ZNF610: variants seen among roughly 807,000 people sequenced by gnomAD.
ZNF610 encodes the protein zinc finger protein 610.
ZNF610 carries 14 observed loss-of-function variants against 14.1 expected under a neutral mutation model. The observed-to-expected ratio is 0.99, with a 90% CI of 0.65 to 1.55. The LOEUF is 1.55. Ranked by LOEUF, ZNF610 falls within the 40% of genes most tolerant of loss-of-function variation. The pLI is 0.00. For missense variants in ZNF610, 530 were observed against 558.0 expected, an observed-to-expected ratio of 0.95 and a Z score of 0.51; for synonymous variants, 185 against 187.6, an observed-to-expected ratio of 0.99 and a Z score of 0.11.
At chr19:52,342,561 C>T (rs1196569252) in intron 1 of ZNF610, among the ~76,000 whole-genome samples, 2 of 150,544 alleles carry the variant, frequency 1.3e-5, no homozygotes, top group East Asian at 3.9e-4. Flanking sequence ...ACTCTGTCAC[C>T]CGGGCTGGAG....
At chr19:52,336,239 T>C (rs993029450), upstream of ZNF610, 4 of 252,334 alleles carry the variant, frequency 1.6e-5, no homozygotes, top group Non-Finnish European at 3.1e-5. Context: ...GCGCGCAGTT[T>C]TTTGCAGACC....
Position 52,366,098 on chromosome 19 carries a change from C to A in ZNF610, c.720C>A (p.Val240=). 6.2e-7 allele frequency: 1 copy of A among 1,614,120 alleles called. No individual in the cohort carries two copies. The highest frequency in any genetic ancestry group is 8.5e-7 in the Non-Finnish European group (1 of 1,180,018). Residue 240 remains valine (V), a synonymous_variant, in exon 6 of 6, where the codon GTC becomes GTA. Coordinates refer to ENST00000403906, the MANE Select transcript of ZNF610 (RefSeq NM_001161425.2). ...KPYKCTECGK[V]FSRNSHLVEH... ...ACAAATGTACTGAATGTGGCAAGGTCTTCAGTCGCAATTCACACCTTGTAG... is the reference window on the plus strand; with the variant it reads ...ACAAATGTACTGAATGTGGCAAGGTATTCAGTCGCAATTCACACCTTGTAG...
chr19:52,366,252 G>A lies in ZNF610; in HGVS notation c.874G>A (p.Glu292Lys), dbSNP rs145486498. ...TGGAGAGAAGCCTCACAAATGTAAC[G>A]AATGTGGCAAAGCTTTTAGAGAGTG... is the stretch of plus-strand genomic sequence containing the variant. Reference protein sequence around the residue: ...HTGEKPHKCNECGKAFRECSG... With the variant: ...HTGEKPHKCNKCGKAFRECSG... Residue 292 changes from glutamate (E) to lysine (K), a missense_variant, in exon 6 of 6, where the codon GAA becomes AAA. Physicochemically the swap from Glu to Lys is moderately conservative, Grantham distance 56. Transcript: ENST00000403906. 4.3e-4 allele frequency: 693 copies of A among 1,613,316 alleles called. No homozygotes were observed. Among genetic ancestry groups the A allele is most frequent in the Middle Eastern group, 2.5e-3 (15 of 6,060 alleles).
chr19:52,338,172 A>G (rs1984472786), intron 1 of ZNF610, among the ~76,000 whole-genome samples: 2 of 152,218 alleles, frequency 1.3e-5, no homozygotes, highest in African/African-American at 4.8e-5. Flanking sequence ...TTCAGGTGCC[A>G]CTTGCAAGTC....
chr19:52,349,145 G>T lies in ZNF610; in HGVS notation c.-19-9G>T. 1.2e-6 allele frequency: 2 copies of T among 1,605,600 alleles called. No individual in the cohort carries two copies. The highest frequency in any genetic ancestry group is 8.5e-7 in the Non-Finnish European group (1 of 1,173,448). The stretch of plus-strand genomic sequence containing the variant: ...TCCGAGCAGTAATCAGTGTATTTTT[G>T]ACATTTAGGATTGACTTATAAACAG... On this transcript the variant is annotated splice_polypyrimidine_tract_variant and intron_variant, in intron 2 of 5. Transcript: ENST00000403906.
At position 52,366,306 on chromosome 19, in the gene ZNF610, C is replaced by T; in HGVS notation, c.928C>T (p.His310Tyr). The T allele has an allele frequency of 1.9e-6, 3 of 1,614,020 alleles. No individual in the cohort carries two copies. The highest frequency in any genetic ancestry group is 2.5e-6 in the Non-Finnish European group (3 of 1,179,924). Residue 310 changes from histidine (H) to tyrosine (Y), a missense_variant, in exon 6 of 6, where the codon CAT (histidine) becomes TAT (tyrosine). Physicochemically the swap from His to Tyr is moderately conservative, Grantham distance 83. Transcript: ENST00000403906. The stretch of plus-strand genomic sequence containing the variant: ...GGGACTTACTACCCATCTTGTAATC[C>T]ATACTGGAGAGAAACCTTACAAATG... ...CSGLTTHLVI[H>Y]TGEKPYKCNE...
chr19:52,353,565 CTA>C lies in ZNF610; in HGVS notation c.64-115_64-114del, dbSNP rs564374940. 3.0e-4 allele frequency: 341 copies of C among 1,131,546 alleles called. 1 individual carries two copies. The African/African-American group carries it at 4.2e-3, about 14-fold the overall frequency. 70.1% of individuals were successfully genotyped at this position (1,131,546 alleles called of 1,614,324 possible). A position where few individuals can be genotyped will look rare whatever the true frequency, so the allele number is the denominator to read the frequency against. On this transcript the variant is annotated intron_variant, in intron 3 of 5. Coordinates refer to ENST00000403906, the MANE Select transcript of ZNF610 (RefSeq NM_001161425.2). ...TTACTAGAGATTGGAATTGAAGTTTCTATGTTTTTTAATGATCTGCCATTTTT... is the reference window on the plus strand; with the variant it reads ...TTACTAGAGATTGGAATTGAAGTTTCTGTTTTTTAATGATCTGCCATTTTT...
intron 5 of ZNF610, among the ~76,000 whole-genome samples, chr19:52,360,781 A>G (rs182406417): frequency 1.4e-3 from 219 of 152,322 alleles, no homozygotes; most frequent in Admixed American, 2.4e-3. Context: ...TGTGTGGTCC[A>G]TTTTAATATA....
chr19:52,361,133 C>T (rs991467613), intron 5 of ZNF610, among the ~76,000 whole-genome samples: 1 of 150,692 alleles, frequency 6.6e-6, no homozygotes, highest in African/African-American at 2.4e-5. Context: ...CAGTGTGTAT[C>T]TAGAAATTCA....
intron 5 of ZNF610, among the ~76,000 whole-genome samples, chr19:52,361,342 C>G (rs532213776): frequency 1.0e-3 from 159 of 152,042 alleles, no homozygotes; most frequent in African/African-American, 3.7e-3. Context: ...CCAGGCCTGG[C>G]TAATTTTTTG....
chr19:52,350,634 C>T (rs1214422673), intron 3 of ZNF610, among the ~76,000 whole-genome samples: 3 of 151,950 alleles, frequency 2.0e-5, no homozygotes, highest in Non-Finnish European at 4.4e-5. Context: ...GCCAAGGTCA[C>T]GCCACTGCAC....
At chr19:52,363,126 C>T (rs1198267564) in intron 5 of ZNF610, among the ~76,000 whole-genome samples, 9 of 148,010 alleles carry the variant, frequency 6.1e-5, no homozygotes, top group African/African-American at 2.2e-4. Context: ...GGTTCTATCC[C>T]CTTTTTTTTT....
At chr19:52,348,760 G>GAA (rs1300993414) in intron 2 of ZNF610, among the ~76,000 whole-genome samples, 9 of 152,132 alleles carry the variant, frequency 5.9e-5, no homozygotes, top group Admixed American at 1.3e-4. Flanking sequence ...AGTGTGTTCT[G>GAA]TCTCTGGCGC....
chr19:52,340,670 AATTATT>A (rs34182877), intron 1 of ZNF610, among the ~76,000 whole-genome samples: 5 of 146,104 alleles, frequency 3.4e-5, no homozygotes, highest in East Asian at 2.0e-4. Flanking sequence ...TTGTCTAGGA[AATTATT>A]ATTATTATTA....
At chr19:52,350,162 A>G (rs1276709936) in intron 3 of ZNF610, among the ~76,000 whole-genome samples, 3 of 152,292 alleles carry the variant, frequency 2.0e-5, no homozygotes, top group Non-Finnish European at 2.9e-5. Flanking sequence ...GGTGGAAATT[A>G]TATTCATTCT....
At chr19:52,332,835 AG>A (rs1984242596), upstream of ZNF610, among the ~76,000 whole-genome samples, 1 of 152,234 alleles carries the variant, frequency 6.6e-6, no homozygotes, top group African/African-American at 2.4e-5. This position sits in a 1 kb window ranked among gnomAD's most constrained non-coding sequence, Gnocchi z 4.1. Context: ...TGGTTCCTGG[AG>A]GAAGGAATGC....
In ZNF610 at chr19:52,365,938, C is replaced by T. The variant is rs1385072783; in HGVS notation, c.560C>T (p.Pro187Leu). ...TATAGAAATGATCTTATTGATTTCC[C>T]ATTACTCCCACAAGAAGAGAAAGCA... ...NKYRNDLIDF[P>L]LLPQEEKAYI... The change falls in exon 6 of 6, where the codon CCA becomes CTA. Residue 187 changes from proline to leucine, a missense_variant. Pro to Leu is a moderately conservative substitution (Grantham distance 98, BLOSUM62 -3). Transcript: ENST00000403906. 3.1e-6 allele frequency: 5 copies of T among 1,613,166 alleles called. No individual in the cohort carries two copies. The highest frequency in any genetic ancestry group is 4.2e-6 in the Non-Finnish European group (5 of 1,179,732).
intron 3 of ZNF610, 103 bp from the exon 4 acceptor site, chr19:52,353,579 G>T: frequency 7.9e-7 from 1 of 1,267,896 alleles, no homozygotes; most frequent in Non-Finnish European, 1.1e-6. Flanking sequence ...GTTTTTTAAT[G>T]ATCTGCCATT....
upstream of ZNF610, among the ~76,000 whole-genome samples, chr19:52,334,416 G>C (rs1256895154): frequency 1.1e-4 from 7 of 61,894 alleles, no homozygotes; most frequent in African/African-American, 4.8e-4. Context: ...GGGAGGCTGA[G>C]GCAGGAGAAT....
Sources: gnomAD v4.1 joint callset for allele counts (sites outside exome capture counted in the v4.1 genomes callset) on GRCh38, gnomAD v4.1.1 for gene constraint, Gnocchi (gnomAD v3.1) non-coding constraint, MANE v1.5 for transcripts, NCBI Gene and HGNC (gene_info 2026-07-23, HGNC 2026-07-21) for gene names.